Variants in VARS1 observed in about 807,000 individuals in gnomAD.
VARS1 encodes the protein valyl-tRNA synthetase 1, also known as valine--tRNA ligase.
In VARS1, 92 loss-of-function variants were observed where a neutral mutation model predicts 161.0. The ratio of observed to expected loss-of-function variants is 0.57; its 90% CI spans 0.48 to 0.68. The LOEUF is 0.68. Among genes scored for constraint, VARS1 ranks in the 30% least tolerant of loss-of-function variants. VARS1 has a pLI of 0.00. For missense variants in VARS1, 1,338 were observed against 1,695.9 expected (o/e 0.79, Z 3.71); for synonymous variants, 595 against 682.5 (o/e 0.87, Z 2.00).
intron 8 of VARS1, among the ~76,000 whole-genome samples, chr6:31,788,938 G>A (rs1017439090): frequency 3.3e-5 from 5 of 151,886 alleles, no homozygotes; most frequent in Non-Finnish European, 5.9e-5. Flanking sequence ...GCACATAGTT[G>A]GGCCCAGTAA....
chr6:31,788,632 C>T (rs112119371), intron 8 of VARS1, among the ~76,000 whole-genome samples: 4,544 of 150,638 alleles, frequency 0.03, 106 homozygotes, highest in Non-Finnish European at 0.046. Context: ...GGGTGAAACC[C>T]TGTCTCTACT....
chr6:31,779,981 G>T lies in VARS1; in HGVS notation c.3081+17C>A. 6.2e-7 allele frequency: 1 copy of T among 1,613,198 alleles called. No individual in the cohort carries two copies. Among genetic ancestry groups the T allele is most frequent in the Non-Finnish European group, 8.5e-7 (1 of 1,179,790 alleles). ...ACCTGCCCCCACCATCCCCTGCCCC[G>T]CTGTGCTCCTTCTCACCAAGTAGAC... On this transcript the variant is annotated intron_variant, in intron 26 of 29. Transcript: ENST00000375663. The surrounding 1 kb of genome is among the most constrained non-coding windows in gnomAD (Gnocchi z 9.1).
intron 8 of VARS1, among the ~76,000 whole-genome samples, chr6:31,790,602 C>CAAAAAAAAA (rs9279419): frequency 4.6e-5 from 2 of 43,386 alleles, no homozygotes; most frequent in African/African-American, 9.8e-5. Flanking sequence ...AACTCTGTCT[C>CAAAAAAAAA]AAAAAAAAAA....
rs1010271830 is a variant in VARS1, at chr6:31,779,356, C to T, written c.3401-64G>A. On this transcript the variant is annotated intron_variant, in intron 28 of 29. Coordinates refer to ENST00000375663, the MANE Select transcript of VARS1 (RefSeq NM_006295.3). The surrounding 1 kb of genome is among the most constrained non-coding windows in gnomAD (Gnocchi z 9.1). ...AGACAGGAAACCAAGCAGTCACTGC[C>T]GGACACTGGGTCCCAGAGTAGGCTG... The T allele has an allele frequency of 7.5e-6, 12 of 1,602,308 alleles. No individual in the cohort carries two copies. The highest frequency in any genetic ancestry group is 2.7e-5 in the African/African-American group (2 of 75,034).
At position 31,790,602 on chromosome 6, in the gene VARS1, C is replaced by CAA. The variant is rs9279419; in HGVS notation, c.1100+1006_1100+1007dup. On this transcript the variant is annotated intron_variant, in intron 8 of 29. Transcript: ENST00000375663. ...GAGCAAAAAGAGTGAAACTCTGTCT[C>CAA]AAAAAAAAAAAAAAAAAAAAAAAAA... Among the ~76,000 whole-genome samples, 52 of 43,402 alleles carry CAA rather than the reference C, an allele frequency of 1.2e-3. 2 individuals are homozygous for CAA. The highest frequency in any genetic ancestry group is 4.1e-3 in the South Asian group (3 of 736). 28.5% of individuals were successfully genotyped at this position (43,402 alleles called of 152,430 possible).
rs1813039266 is a variant in VARS1, at chr6:31,780,137, C to T, written c.2942G>A (p.Ser981Asn). ...GCTGCGGATCCAGCGGTCCACCAGGCTCTCATGGCCTCCGGGCTTGGGGAG... is the reference window on the plus strand; with the variant it reads ...GCTGCGGATCCAGCGGTCCACCAGGTTCTCATGGCCTCCGGGCTTGGGGAG... ...SPTSQPGGHE[S>N]LVDRWIRSRL... The change falls in exon 26 of 30, where the codon AGC (serine) becomes AAC (asparagine). Residue 981 changes from serine (S) to asparagine (N), a missense_variant. Ser to Asn is a conservative substitution (Grantham distance 46). Coordinates refer to ENST00000375663, the MANE Select transcript of VARS1 (RefSeq NM_006295.3). The surrounding 1 kb of genome is among the most constrained non-coding windows in gnomAD (Gnocchi z 5.1). 1.2e-6 allele frequency: 2 copies of T among 1,613,826 alleles called. No homozygotes were observed. The highest frequency in any genetic ancestry group is 1.7e-6 in the Non-Finnish European group (2 of 1,179,962).
chr6:31,784,198 G>A lies in VARS1; in HGVS notation c.1671+16C>T. 2 of 1,614,020 alleles carry A rather than the reference G, an allele frequency of 1.2e-6. No individual in the cohort carries two copies. Among genetic ancestry groups the A allele is most frequent in the Non-Finnish European group, 1.7e-6 (2 of 1,179,950 alleles). On this transcript the variant is annotated intron_variant, in intron 13 of 29. Transcript: ENST00000375663. This position sits in a 1 kb window ranked among gnomAD's most constrained non-coding sequence, Gnocchi z 6.1. ...TTTGGCCAGAACTCCTTCCCTAACT[G>A]TGGACAGTCCCCCACCTGGTATCTG...
rs747325747 is a variant in VARS1 at position 31,780,143 on chromosome 6, T to C, written c.2936A>G (p.His979Arg). The C allele has an allele frequency of 1.9e-6, 3 of 1,613,692 alleles. 1 individual carries two copies. The South Asian group carries it at 3.3e-5, about 18-fold the overall frequency. ...GATCCAGCGGTCCACCAGGCTCTCA[T>C]GGCCTCCGGGCTTGGGGAGAGAGGG... ...VPSPTSQPGG[H>R]ESLVDRWIRS... The change falls in exon 26 of 30, where the codon CAT becomes CGT. Residue 979 changes from histidine to arginine, a missense_variant. By Grantham distance (29) the His-to-Arg change is conservative. Coordinates refer to ENST00000375663, the MANE Select transcript of VARS1 (RefSeq NM_006295.3). This position sits in a 1 kb window ranked among gnomAD's most constrained non-coding sequence, Gnocchi z 5.1.
Position 31,784,679 on chromosome 6 carries a change from C to G in VARS1, c.1383G>C (p.Arg461=). The G allele has an allele frequency of 6.2e-7, 1 of 1,612,966 alleles. No homozygotes were observed. ...LSAAVTEAFV[R]LHEEGIIYRS... ...GATAGATGATGCCTTCCTCGTGAAG[C>G]CGGACAAAGGCCTCTGTCACAGCTG... Residue 461 remains arginine, a synonymous_variant, in exon 11 of 30, where the codon CGG becomes CGC. Transcript: ENST00000375663. The surrounding 1 kb of genome is among the most constrained non-coding windows in gnomAD (Gnocchi z 6.1).
Position 31,780,396 on chromosome 6 carries a change from AGCCTGTGT to A in VARS1, c.2925+37_2925+44del. The A allele has an allele frequency of 6.3e-7, 1 of 1,596,250 alleles. No homozygotes were observed. The highest frequency in any genetic ancestry group is 1.1e-5 in the South Asian group (1 of 87,426). On this transcript the variant is annotated intron_variant, in intron 25 of 29. Coordinates refer to ENST00000375663, the MANE Select transcript of VARS1 (RefSeq NM_006295.3). This position sits in a 1 kb window ranked among gnomAD's most constrained non-coding sequence, Gnocchi z 5.1. Reference sequence around the variant, plus strand: ...TGGAGGCTGCTCCGGACAGGGGTACAGCCTGTGTGAGTGCTGCCAGCTTTGCTGCCCAC... The same window carrying A: ...TGGAGGCTGCTCCGGACAGGGGTACAGAGTGCTGCCAGCTTTGCTGCCCAC...
At position 31,792,217 on chromosome 6, in the gene VARS1, C is replaced by T; in HGVS notation, c.871G>A (p.Asp291Asn). 2 of 1,613,638 alleles carry T rather than the reference C, an allele frequency of 1.2e-6. No homozygotes were observed. The highest frequency in any genetic ancestry group is 1.7e-6 in the Non-Finnish European group (2 of 1,179,968). Residue 291 changes from aspartate to asparagine, a missense_variant and splice_region_variant, in exon 6 of 30, where the codon GAT (aspartate) becomes AAT (asparagine). Physicochemically the swap from Asp to Asn is conservative, Grantham distance 23. This residue lies in a region of VARS1 where 902 missense variants were observed against 1,090.3 expected (regional missense o/e 0.83). Transcript: ENST00000375663. ...DLPTPPGEKKDVSGPMPDSYS... is the reference protein window; with the variant it reads ...DLPTPPGEKKNVSGPMPDSYS... ...GTGAGCCCCTTCCCACTCCTAGTAC[C>T]TTTCTTTTCCCCGGGTGGGGTTGGG...
intron 2 of VARS1, 26 bp from the exon 3 acceptor site, chr6:31,793,146 G>A (rs1390593333): frequency 6.4e-7 from 1 of 1,571,396 alleles, no homozygotes; most frequent in Non-Finnish European, 8.6e-7. Flanking sequence ...AGAAGTGTGA[G>A]ACAAGGTTTG....
rs565877467 is a variant in VARS1, at chr6:31,788,828, T to A, written c.1100+2782A>T. ...TGTCTCAAAATAATAATAATAATAA[T>A]AAAAATAAAAAAATAAAACATATAA... On this transcript the variant is annotated intron_variant, in intron 8 of 29. Transcript: ENST00000375663. Among the ~76,000 whole-genome samples the A allele has an allele frequency of 3.3e-5, 5 of 151,654 alleles. No individual in the cohort carries two copies. The South Asian group carries it at 6.2e-4, about 19-fold the overall frequency.
In VARS1 at chr6:31,781,101, C is replaced by G. The variant is rs747237558; in HGVS notation, c.2567G>C (p.Arg856Pro). 2 of 1,613,200 alleles carry G rather than the reference C, an allele frequency of 1.2e-6. No homozygotes were observed. Among genetic ancestry groups the G allele is most frequent in the Non-Finnish European group, 1.7e-6 (2 of 1,180,044 alleles). ...FREVYLHAIV[R>P]DAHGRKMSKS... ...GCTCATCTTCCGGCCGTGAGCATCT[C>G]GCACGATGGCATGGAGGTAGACCTG... is the stretch of plus-strand genomic sequence containing the variant. The change falls in exon 22 of 30, where the codon CGA becomes CCA. Residue 856 changes from arginine (R) to proline (P), a missense_variant. By Grantham distance (103) the Arg-to-Pro change is moderately radical. Transcript: ENST00000375663. This position sits in a 1 kb window ranked among gnomAD's most constrained non-coding sequence, Gnocchi z 6.8.
Position 31,795,003 on chromosome 6 carries a change from G to C in VARS1, c.215C>G (p.Ala72Gly). 6.2e-7 allele frequency: 1 copy of C among 1,604,926 alleles called. No individual in the cohort carries two copies. Among genetic ancestry groups the C allele is most frequent in the Non-Finnish European group, 8.5e-7 (1 of 1,175,166 alleles). Residue 72 changes from alanine (A) to glycine (G), a missense_variant, in exon 2 of 30, where the codon GCC becomes GGC. Ala to Gly is a moderately conservative substitution (Grantham distance 60). Transcript: ENST00000375663. The surrounding 1 kb of genome is among the most constrained non-coding windows in gnomAD (Gnocchi z 6.9). The stretch of plus-strand genomic sequence containing the variant: ...CCACAGCAGCTGGGCCACAGCCGTG[G>C]CCCCCCACACCCAGAGCCCACCGGG... ...QGPGGLWVWG[A>G]TAVAQLLWPA...
chr6:31,788,011 T>G (rs1034409738), intron 8 of VARS1, among the ~76,000 whole-genome samples: 3 of 151,176 alleles, frequency 2.0e-5, no homozygotes, highest in Non-Finnish European at 4.4e-5. Context: ...TCCCAGCTAC[T>G]CAGGAGGCTG....
In VARS1 at chr6:31,780,633, A is replaced by G; in HGVS notation, c.2798-65T>C. The G allele has an allele frequency of 6.2e-7, 1 of 1,611,662 alleles. No individual in the cohort carries two copies. Among genetic ancestry groups the G allele is most frequent in the Non-Finnish European group, 8.5e-7 (1 of 1,178,108 alleles). The stretch of plus-strand genomic sequence containing the variant: ...CCCAGCCCATGCCCACCAGAGGCTC[A>G]GGGTGGAGAAGAGGGATGGGCCTCA... On this transcript the variant is annotated intron_variant, in intron 24 of 29. Transcript: ENST00000375663. The surrounding 1 kb of genome is among the most constrained non-coding windows in gnomAD (Gnocchi z 5.1).
Position 31,780,898 on chromosome 6 carries a change from C to T in VARS1, c.2690G>A (p.Ser897Asn), listed in dbSNP as rs1383659624. ...CCCTTCTTTGGCCTTCTCCACCTCGCTGGGATCCAGGTTGCTGTTCAGCAG... is the reference window on the plus strand; with the variant it reads ...CCCTTCTTTGGCCTTCTCCACCTCGTTGGGATCCAGGTTGCTGTTCAGCAG... ...NQLLNSNLDP[S>N]EVEKAKEGQK... is the part of the protein sequence containing the mutation. The change falls in exon 23 of 30, where the codon AGC (serine) becomes AAC (asparagine). Residue 897 changes from serine to asparagine, a missense_variant. Ser to Asn is a conservative substitution (Grantham distance 46). Around this residue, in one of 3 missense-constraint regions of VARS1, gnomAD observed 433 missense variants for 586.2 expected, o/e 0.74. Coordinates refer to ENST00000375663, the MANE Select transcript of VARS1 (RefSeq NM_006295.3). This position sits in a 1 kb window ranked among gnomAD's most constrained non-coding sequence, Gnocchi z 5.1. 3 of 1,614,190 alleles carry T rather than the reference C, an allele frequency of 1.9e-6. No individual in the cohort carries two copies. Among genetic ancestry groups the T allele is most frequent in the Non-Finnish European group, 2.5e-6 (3 of 1,180,020 alleles).
chr6:31,788,873 T>C (rs977528563), intron 8 of VARS1, among the ~76,000 whole-genome samples: 1 of 151,984 alleles, frequency 6.6e-6, no homozygotes, highest in Non-Finnish European at 1.5e-5. Context: ...TAGCTCTCAG[T>C]TACTTGCAAA....
Sources: gnomAD v4.1 joint callset for allele counts (sites outside exome capture counted in the v4.1 genomes callset) on GRCh38, gnomAD v4.1.1 for gene constraint, gnomAD v4.1.1 regional missense constraint, Gnocchi (gnomAD v3.1) non-coding constraint, MANE v1.5 for transcripts, NCBI Gene and HGNC (gene_info 2026-07-23, HGNC 2026-07-21) for gene names.